Variants in SAFB observed in about 807,000 individuals in gnomAD.
SAFB encodes the protein scaffold attachment factor B1.
Under a neutral mutation model 101.6 loss-of-function variants are expected in SAFB, and 15 were observed. The observed-to-expected ratio is 0.15, with a 90% CI of 0.10 to 0.23. The LOEUF is 0.23. Among genes scored for constraint, SAFB ranks in the 10% least tolerant of loss-of-function variants. The probability of loss-of-function intolerance (pLI) is 1.00; values close to 1 mark genes in which losing one functional copy is unlikely to be tolerated. For missense variants in SAFB, 930 were observed against 1,104.1 expected, an observed-to-expected ratio of 0.84 and a Z score of 2.23; for synonymous variants, 449 against 407.5, an observed-to-expected ratio of 1.10 and a Z score of -1.23.
chr19:5,635,093 A>C (rs1377811299), intron 2 of SAFB, among the ~76,000 whole-genome samples: 1 of 152,200 alleles, frequency 6.6e-6, no homozygotes. Context: ...AGCCGAGATC[A>C]CGCCATTGCA....
At position 5,628,251 on chromosome 19, in the gene SAFB, T is replaced by TA. The variant is rs548806001; in HGVS notation, c.274+1770dup. ...GGGCGACCGCAAGACTCCATCCCCC[T>TA]AAAAAAAAGAATCAGCTGAAGCTGG... On this transcript the variant is annotated intron_variant, in intron 2 of 20. Coordinates refer to ENST00000588852, the MANE Select transcript of SAFB (RefSeq NM_001201338.2). 2.2e-3 allele frequency among the ~76,000 whole-genome samples: 338 copies of TA among 151,900 alleles called. 2 individuals carry two copies. The highest frequency in any genetic ancestry group is 7.8e-3 in the African/African-American group (325 of 41,450).
At chr19:5,634,976 A>G (rs925600349) in intron 2 of SAFB, among the ~76,000 whole-genome samples, 2 of 152,072 alleles carry the variant, frequency 1.3e-5, no homozygotes, top group Admixed American at 6.5e-5. Flanking sequence ...TGTCTCTACA[A>G]AAAAATACAA....
chr19:5,628,432 G>A (rs1391900763), intron 2 of SAFB, among the ~76,000 whole-genome samples: 1 of 152,064 alleles, frequency 6.6e-6, no homozygotes, highest in African/African-American at 2.4e-5. Flanking sequence ...CAAGAAATTT[G>A]TTTCTTATAC....
At chr19:5,653,534 T>G (rs1405734467) in intron 11 of SAFB, 114 bp downstream of exon 11, 1 of 843,842 alleles carries the variant, frequency 1.2e-6, no homozygotes, top group Non-Finnish European at 1.9e-6. Context: ...TGGTGTGATC[T>G]CGGCTCACCT....
rs1003456310 is a variant in SAFB at position 5,658,426 on chromosome 19, G to A, written c.1862+1079G>A. 5.9e-5 allele frequency among the ~76,000 whole-genome samples: 9 copies of A among 152,338 alleles called. No individual in the cohort carries two copies. The South Asian group carries it at 1.0e-3, about 18-fold the overall frequency. On this transcript the variant is annotated intron_variant, in intron 14 of 20. Coordinates refer to ENST00000588852, the MANE Select transcript of SAFB (RefSeq NM_001201338.2). Reference sequence around the variant, plus strand: ...TTTAAAAGTAAGGACCCCCCTGGGCGCAGTGTCTCACATCTCAGCACTTCG... The same window carrying A: ...TTTAAAAGTAAGGACCCCCCTGGGCACAGTGTCTCACATCTCAGCACTTCG...
In SAFB at chr19:5,647,331, G is replaced by T. The variant is rs183035992; in HGVS notation, c.610-685G>T. 4.5e-4 allele frequency among the ~76,000 whole-genome samples: 68 copies of T among 152,332 alleles called. 1 individual carries two copies. Among genetic ancestry groups the T allele is most frequent in the Admixed American group, 3.1e-3 (48 of 15,304 alleles). On this transcript the variant is annotated intron_variant, in intron 5 of 20. Transcript: ENST00000588852. ...GTGGCATAGGGATCCATTGGCTGAA[G>T]GCTGAAGGCCACAGAGGGACATGAG...
At chr19:5,634,505 A>T (rs2053556173) in intron 2 of SAFB, among the ~76,000 whole-genome samples, 1 of 152,114 alleles carries the variant, frequency 6.6e-6, no homozygotes, top group Non-Finnish European at 1.5e-5. Context: ...AATAAGAAAG[A>T]CCTGAAGTAA....
chr19:5,661,645 A>G lies in SAFB; in HGVS notation c.1990A>G (p.Met664Val). 6.2e-7 allele frequency: 1 copy of G among 1,612,164 alleles called. No individual in the cohort carries two copies. Among genetic ancestry groups the G allele is most frequent in the Non-Finnish European group, 8.5e-7 (1 of 1,179,626 alleles). ...FQRQRLERER[M>V]ERERLERERM... ...GCGCCAGCGGCTGGAGCGGGAGCGCATGGAGCGGGAACGGCTGGAGCGCGA... is the reference window on the plus strand; with the variant it reads ...GCGCCAGCGGCTGGAGCGGGAGCGCGTGGAGCGGGAACGGCTGGAGCGCGA... The change falls in exon 15 of 21, where the codon ATG (methionine) becomes GTG (valine). Residue 664 changes from methionine to valine, a missense_variant. Met to Val is a conservative substitution (Grantham distance 21). Coordinates refer to ENST00000588852, the MANE Select transcript of SAFB (RefSeq NM_001201338.2).
chr19:5,638,715 T>A (rs36010585), intron 2 of SAFB, among the ~76,000 whole-genome samples: 12 of 108,904 alleles, frequency 1.1e-4, no homozygotes, highest in African/African-American at 4.6e-4. Flanking sequence ...AATCTTAGTC[T>A]TTTTTTTTTT....
chr19:5,657,587 A>G (rs1403604270), intron 14 of SAFB, among the ~76,000 whole-genome samples: 2 of 152,050 alleles, frequency 1.3e-5, no homozygotes, highest in Admixed American at 6.6e-5. Context: ...TGGAGAGTGC[A>G]GTGGCGTGAC....
intron 8 of SAFB, 40 bp from the exon 9 acceptor site, chr19:5,650,938 T>C: frequency 8.3e-7 from 1 of 1,198,936 alleles, no homozygotes; most frequent in Non-Finnish European, 1.2e-6. Flanking sequence ...CAAGATCTTG[T>C]GGGTATTTGG....
At chr19:5,658,597 T>G (rs2145477536) in intron 14 of SAFB, among the ~76,000 whole-genome samples, 1 of 151,846 alleles carries the variant, frequency 6.6e-6, no homozygotes, top group African/African-American at 2.4e-5. Context: ...CCCAGCACTG[T>G]GGGAGGCCGA....
chr19:5,664,833 C>G (rs1354579653), intron 17 of SAFB: 1 of 232,658 alleles, frequency 4.3e-6, no homozygotes, highest in Non-Finnish European at 8.6e-6. Flanking sequence ...TGCCTGCCCT[C>G]TTTTGAAAGT....
chr19:5,623,484 GGCCGCGTTCGCGGCCTC>G (rs2053242003), intron 1 of SAFB, 90 bp downstream of exon 1: 3 of 1,166,216 alleles, frequency 2.6e-6, no homozygotes, highest in Non-Finnish European at 3.5e-6. Flanking sequence ...GTCCGCCCCC[GGCCGCGTTCGCGGCCTC>G]GCCGGACCTG....
intron 9 of SAFB, among the ~76,000 whole-genome samples, chr19:5,651,394 ATGTC>A (rs2053935385): frequency 6.6e-6 from 1 of 152,144 alleles, no homozygotes; most frequent in South Asian, 2.1e-4. Flanking sequence ...GCTGGTCAGC[ATGTC>A]TGGGAGACAG....
chr19:5,648,690 G>C (rs1429920636), intron 6 of SAFB, among the ~76,000 whole-genome samples: 1 of 152,216 alleles, frequency 6.6e-6, no homozygotes, highest in African/African-American at 2.4e-5. Flanking sequence ...AGCTAAATTT[G>C]GAAGAGTCAT....
At position 5,653,439 on chromosome 19, in the gene SAFB, T is replaced by C; in HGVS notation, c.1526+19T>C. ...GTGACAGGTACCCCTCCTTCCTGGC[T>C]AAATTAAAGGGGCAGGGTGTTTTTT... On this transcript the variant is annotated intron_variant, in intron 11 of 20. Coordinates refer to ENST00000588852, the MANE Select transcript of SAFB (RefSeq NM_001201338.2). The C allele has an allele frequency of 6.2e-7, 1 of 1,606,542 alleles. No individual in the cohort carries two copies. The highest frequency in any genetic ancestry group is 8.5e-7 in the Non-Finnish European group (1 of 1,173,818).
Position 5,667,721 on chromosome 19 carries a change from C to G in SAFB, c.2558-99C>G. On this transcript the variant is annotated intron_variant, in intron 19 of 20. Coordinates refer to ENST00000588852, the MANE Select transcript of SAFB (RefSeq NM_001201338.2). The surrounding 1 kb of genome is among the most constrained non-coding windows in gnomAD (Gnocchi z 4.0). ...TCCTGGGACCCGCTAGTTGTGGGTA[C>G]CTGGGGGCCTCACCAAAGGGAGTGG... The G allele has an allele frequency of 8.5e-7, 1 of 1,173,598 alleles. No homozygotes were observed. The highest frequency in any genetic ancestry group is 1.3e-6 in the Non-Finnish European group (1 of 796,546). The allele number at this position is 1,173,598 out of a possible 1,614,324, so 72.7% of individuals were successfully genotyped here.
At chr19:5,640,748 A>G (rs1157956424) in intron 2 of SAFB, among the ~76,000 whole-genome samples, 1 of 151,524 alleles carries the variant, frequency 6.6e-6, no homozygotes, top group Non-Finnish European at 1.5e-5. Context: ...CGCCACCACA[A>G]CCAGCTAGTT....
Sources: gnomAD v4.1 joint callset for allele counts (sites outside exome capture counted in the v4.1 genomes callset) on GRCh38, gnomAD v4.1.1 for gene constraint, Gnocchi (gnomAD v3.1) non-coding constraint, MANE v1.5 for transcripts, NCBI Gene and HGNC (gene_info 2026-07-23, HGNC 2026-07-21) for gene names.